Variants in UNC13B observed in about 807,000 individuals in gnomAD.
The protein encoded by UNC13B is unc-13 homolog B.
In UNC13B, 144 loss-of-function variants were observed where a neutral mutation model predicts 211.0. The observed-to-expected ratio is 0.68, with a 90% CI of 0.60 to 0.78. UNC13B has a LOEUF of 0.78. UNC13B is among the 30% of genes least tolerant of loss of function. The pLI is 0.00. For missense variants in UNC13B, 1,777 were observed against 2,002.0 expected, an observed-to-expected ratio of 0.89 and a Z score of 2.14; for synonymous variants, 709 against 725.8, an observed-to-expected ratio of 0.98 and a Z score of 0.37.
At chr9:35,296,082 TCTTTTTTTTC>T in intron 8 of UNC13B, 152 bp downstream of exon 8, 1 of 690,780 alleles carries the variant, frequency 1.4e-6, no homozygotes, top group East Asian at 2.7e-5. Flanking sequence ...AGATTATTAG[TCTTTTTTTTC>T]TTCCACATGT....
intron 7 of UNC13B, among the ~76,000 whole-genome samples, chr9:35,284,288 C>T (rs965923097): frequency 6.6e-6 from 1 of 151,872 alleles, no homozygotes; most frequent in Non-Finnish European, 1.5e-5. Flanking sequence ...AAAACAAAAA[C>T]GTTGAGCAGT....
chr9:35,281,990 G>T (rs1828522059), intron 7 of UNC13B, among the ~76,000 whole-genome samples: 2 of 152,142 alleles, frequency 1.3e-5, no homozygotes. Context: ...ATATCACAAA[G>T]GGCTTGAATG....
intron 17 of UNC13B, among the ~76,000 whole-genome samples, chr9:35,378,943 C>T (rs181917980): frequency 2.5e-4 from 38 of 152,314 alleles, no homozygotes; most frequent in African/African-American, 8.9e-4. Flanking sequence ...GCCTCAGCTT[C>T]TACACTCACT....
At chr9:35,252,822 T>C (rs1198510491) in intron 6 of UNC13B, among the ~76,000 whole-genome samples, 2 of 151,818 alleles carry the variant, frequency 1.3e-5, no homozygotes, top group African/African-American at 2.4e-5. Context: ...CCCAGCTACT[T>C]GGGAGGCTGA....
At position 35,212,353 on chromosome 9, in the gene UNC13B, G is replaced by A. The variant is rs1177880296; in HGVS notation, c.23-15662G>A. Among the ~76,000 whole-genome samples, 6 of 152,122 alleles carry A rather than the reference G, an allele frequency of 3.9e-5. No individual in the cohort carries two copies. The South Asian group carries it at 6.2e-4, about 16-fold the overall frequency. ...TTTGGGAGGCCGAGATTAGTGGATC[G>A]CTTGAGGCTAGGAGTTGGAGACCAG... is the stretch of plus-strand genomic sequence containing the variant. On this transcript the variant is annotated intron_variant, in intron 1 of 39. Coordinates refer to ENST00000635942, the MANE Select transcript of UNC13B (RefSeq NM_001371189.2).
At chr9:35,222,528 G>A (rs926421357) in intron 1 of UNC13B, among the ~76,000 whole-genome samples, 1 of 152,102 alleles carries the variant, frequency 6.6e-6, no homozygotes, top group Admixed American at 6.5e-5. Context: ...AGATAAGATG[G>A]TTCATGCTTG....
intron 6 of UNC13B, among the ~76,000 whole-genome samples, chr9:35,252,699 G>A (rs1247092707): frequency 6.6e-6 from 1 of 152,182 alleles, no homozygotes; most frequent in East Asian, 2.0e-4. Context: ...GGGAGGCCGA[G>A]ACGGGCGGAT....
chr9:35,287,136 T>C (rs1828842670), intron 7 of UNC13B, among the ~76,000 whole-genome samples: 1 of 143,332 alleles, frequency 7.0e-6, no homozygotes, highest in African/African-American at 2.4e-5. Context: ...CTTTCTTTCT[T>C]TCTTTTTTTT....
At chr9:35,176,366 G>A (rs1821634022) in intron 1 of UNC13B, among the ~76,000 whole-genome samples, 1 of 151,954 alleles carries the variant, frequency 6.6e-6, no homozygotes, top group Non-Finnish European at 1.5e-5. Flanking sequence ...TGGCCAACAT[G>A]ACAAAACCCC....
At chr9:35,334,854 T>G (rs1831564712) in intron 11 of UNC13B, among the ~76,000 whole-genome samples, 1 of 152,142 alleles carries the variant, frequency 6.6e-6, no homozygotes, top group African/African-American at 2.4e-5. Flanking sequence ...CTGGCCAACA[T>G]GGCGAAACCC....
At chr9:35,350,748 T>G (rs1325791927) in intron 11 of UNC13B, among the ~76,000 whole-genome samples, 1 of 152,262 alleles carries the variant, frequency 6.6e-6, no homozygotes, top group Non-Finnish European at 1.5e-5. Context: ...CCATTGTCCT[T>G]TCTCCAAGTG....
Position 35,162,100 on chromosome 9 carries a change from C to A in UNC13B, c.-184C>A. ...CCGGTACTCACCGCTACCCGGAGTT[C>A]GCTCAGACGGTGAGATTTGGGGCGG... is the stretch of plus-strand genomic sequence containing the variant. On this transcript the variant is annotated 5_prime_UTR_variant, in exon 1 of 40. It introduces an in-frame stop codon into an upstream open reading frame of the 5' UTR. Coordinates refer to ENST00000635942, the MANE Select transcript of UNC13B (RefSeq NM_001371189.2). 1 of 875,752 alleles carries A rather than the reference C, an allele frequency of 1.1e-6. No individual in the cohort carries two copies. Among genetic ancestry groups the A allele is most frequent in the Non-Finnish European group, 1.7e-6 (1 of 574,638 alleles). 54.2% of individuals were successfully genotyped at this position (875,752 alleles called of 1,614,324 possible).
chr9:35,399,254 G>A lies in UNC13B; in HGVS notation c.12168G>A (p.Met4056Ile), dbSNP rs769604489. The change falls in exon 34 of 40, where the codon ATG becomes ATA. Residue 4056 changes from methionine (M) to isoleucine (I), a missense_variant. Met to Ile is a conservative substitution (Grantham distance 10, BLOSUM62 1). Transcript: ENST00000635942. Reference protein sequence around the residue: ...WRVVMNTMERMIVLPPLTDQT... With the variant: ...WRVVMNTMERIIVLPPLTDQT... ...TGGTGATGAACACAATGGAGAGGAT[G>A]ATTGTTCTGCCCCCACTCACTGACC... The A allele has an allele frequency of 8.7e-6, 14 of 1,614,026 alleles. No homozygotes were observed. Among genetic ancestry groups the A allele is most frequent in the Admixed American group, 8.3e-5 (5 of 60,002 alleles).
chr9:35,255,224 C>T (rs1423886011), intron 6 of UNC13B, among the ~76,000 whole-genome samples: 1 of 149,672 alleles, frequency 6.7e-6, no homozygotes, highest in Admixed American at 6.8e-5. Flanking sequence ...TGTGCTGGGC[C>T]TGTTTACGCA....
intron 1 of UNC13B, among the ~76,000 whole-genome samples, chr9:35,164,472 A>G (rs1005644728): frequency 1.3e-5 from 2 of 152,110 alleles, no homozygotes; most frequent in Admixed American, 6.5e-5. Context: ...CAGAGTTCAA[A>G]AAGTAGTTAA....
chr9:35,397,745 A>T, intron 30 of UNC13B, 33 bp downstream of exon 30: 1 of 1,608,740 alleles, frequency 6.2e-7, no homozygotes, highest in Non-Finnish European at 8.5e-7. Flanking sequence ...TTACAGAAAG[A>T]GAGTGGAAGA....
At chr9:35,182,757 C>T (rs1822012322) in intron 1 of UNC13B, among the ~76,000 whole-genome samples, 1 of 152,172 alleles carries the variant, frequency 6.6e-6, no homozygotes, top group Admixed American at 6.5e-5. Flanking sequence ...TGAGTTGACA[C>T]AGCACATGTT....
intron 6 of UNC13B, among the ~76,000 whole-genome samples, chr9:35,254,130 A>G (rs1826675751): frequency 6.6e-6 from 1 of 152,162 alleles, no homozygotes; most frequent in African/African-American, 2.4e-5. Context: ...CCCTACCCTC[A>G]TGGATCACAT....
chr9:35,347,417 C>T (rs1349708909), intron 11 of UNC13B, among the ~76,000 whole-genome samples: 1 of 152,140 alleles, frequency 6.6e-6, no homozygotes, highest in East Asian at 1.9e-4. Context: ...ACAGTAGTAG[C>T]AAAGAGAGGC....
Sources: gnomAD v4.1 joint callset for allele counts (sites outside exome capture counted in the v4.1 genomes callset) on GRCh38, gnomAD v4.1.1 for gene constraint, MANE v1.5 for transcripts, NCBI Gene and HGNC (gene_info 2026-07-23, HGNC 2026-07-21) for gene names.